ANKRD29: variants seen among roughly 807,000 people sequenced by gnomAD.
ANKRD29 encodes ankyrin repeat domain 29.
In ANKRD29, 32 loss-of-function variants were observed where a neutral mutation model predicts 38.0. The observed-to-expected ratio is 0.84, with a 90% confidence interval of 0.64 to 1.13. The LOEUF is 1.13. Among genes scored for constraint, ANKRD29 ranks in the 50% most tolerant of loss-of-function variants. The probability of loss-of-function intolerance (pLI) is 0.00; values close to 1 mark genes in which losing one functional copy is unlikely to be tolerated. For synonymous variants in ANKRD29, 135 were observed against 152.4 expected (o/e 0.89, Z 0.84); for missense variants, 357 against 377.9 (o/e 0.94, Z 0.46).
intron 9 of ANKRD29, among the ~76,000 whole-genome samples, chr18:23,607,290 C>G (rs887696013): frequency 6.6e-6 from 1 of 152,194 alleles, no homozygotes; most frequent in Non-Finnish European, 1.5e-5. Flanking sequence ...TTAGTTCCTG[C>G]AGGAACAGAT....
Position 23,634,036 on chromosome 18 carries a change from C to T in ANKRD29, c.429+15G>A. On this transcript the variant is annotated intron_variant, in intron 5 of 9. Coordinates refer to ENST00000592179, the MANE Select transcript of ANKRD29 (RefSeq NM_173505.4). ...TGATGAGAAATGTCCTAATGTCCCCCTGAAATGCACTCACATAAAGTTGGT... is the reference window on the plus strand; with the variant it reads ...TGATGAGAAATGTCCTAATGTCCCCTTGAAATGCACTCACATAAAGTTGGT... The T allele has an allele frequency of 1.2e-6, 2 of 1,613,490 alleles. No homozygotes were observed. The highest frequency in any genetic ancestry group is 1.7e-6 in the Non-Finnish European group (2 of 1,179,404).
intron 8 of ANKRD29, among the ~76,000 whole-genome samples, chr18:23,614,812 A>C (rs1001452102): frequency 1.3e-5 from 2 of 152,190 alleles, no homozygotes; most frequent in African/African-American, 2.4e-5. Context: ...GAGCAGACAC[A>C]AAATATCCAA....
At position 23,638,907 on chromosome 18, in the gene ANKRD29, T is replaced by C. The variant is rs929859106; in HGVS notation, c.272A>G (p.His91Arg). The C allele has an allele frequency of 4.3e-6, 7 of 1,613,170 alleles. No individual in the cohort carries two copies. The African/African-American group carries it at 6.7e-5, about 15-fold the overall frequency. ...TALFFAAQQG[H>R]NDVVRFLFGF... ...AAAGAGAAATCTCACGACATCATTA[T>C]GGCCTTGCTGGGCGGCAAAGAATAG... Residue 91 changes from histidine (H) to arginine (R), a missense_variant, in exon 4 of 10, where the codon CAT becomes CGT. Transcript: ENST00000592179.
chr18:23,617,911 C>A (rs2059745594), intron 7 of ANKRD29, 84 bp from the exon 8 acceptor site: 1 of 1,076,178 alleles, frequency 9.3e-7, no homozygotes, highest in Non-Finnish European at 1.4e-6. Context: ...CTGGAAAGTA[C>A]CGTTGTCAGA....
intron 9 of ANKRD29, among the ~76,000 whole-genome samples, chr18:23,611,704 T>C (rs1276204770): frequency 1.3e-5 from 2 of 151,516 alleles, no homozygotes; most frequent in Non-Finnish European, 2.9e-5. Flanking sequence ...AAGAAAACCA[T>C]TGATAGCGCC....
At chr18:23,649,039 G>C (rs773113438) in intron 2 of ANKRD29, 44 bp downstream of exon 2, 2 of 1,528,090 alleles carry the variant, frequency 1.3e-6, no homozygotes, top group Non-Finnish European at 1.8e-6. Context: ...TGCCCACAGA[G>C]GGCAATGGTG....
chr18:23,626,657 C>G (rs2059865870), intron 6 of ANKRD29, among the ~76,000 whole-genome samples: 1 of 152,236 alleles, frequency 6.6e-6, no homozygotes, highest in Non-Finnish European at 1.5e-5. Context: ...TTCCTACTGT[C>G]TGGCTATGAC....
intron 3 of ANKRD29, 115 bp downstream of exon 3, chr18:23,646,074 C>T (rs993869617): frequency 3.0e-5 from 28 of 939,502 alleles, no homozygotes; most frequent in Non-Finnish European, 4.0e-5. Flanking sequence ...CTGCAATGGG[C>T]TTTAATGTGG....
rs35642438 is a variant in ANKRD29 at position 23,615,937 on chromosome 18, G to GTA, written c.723+1793_723+1794dup. On this transcript the variant is annotated intron_variant, in intron 8 of 9. Coordinates refer to ENST00000592179, the MANE Select transcript of ANKRD29 (RefSeq NM_173505.4). ...CTATATAGTATGTATATATTATATA[G>GTA]TATATAATATATACATACTATATGT... 1.2e-3 allele frequency among the ~76,000 whole-genome samples: 158 copies of GTA among 133,956 alleles called. 1 individual carries two copies. The highest frequency in any genetic ancestry group is 4.2e-3 in the Middle Eastern group (1 of 238). 87.9% of individuals were successfully genotyped at this position (133,956 alleles called of 152,430 possible). A position where few individuals can be genotyped will look rare whatever the true frequency, so the allele number is the denominator to read the frequency against.
At chr18:23,625,845 C>T (rs903575647) in intron 6 of ANKRD29, among the ~76,000 whole-genome samples, 1 of 152,146 alleles carries the variant, frequency 6.6e-6, no homozygotes, top group Non-Finnish European at 1.5e-5. Context: ...TGGGTCTGCT[C>T]CCTAGCTGCC....
In ANKRD29 at chr18:23,661,104, T is replaced by A. The variant is rs78908700; in HGVS notation, c.21+1606A>T. 5.3e-3 allele frequency among the ~76,000 whole-genome samples: 805 copies of A among 152,334 alleles called. 9 individuals are homozygous for A. The highest frequency in any genetic ancestry group is 0.018 in the African/African-American group (766 of 41,574). On this transcript the variant is annotated intron_variant, in intron 1 of 9. Transcript: ENST00000592179. ...TAAGTGACAGCACATGCTTCTGAGT[T>A]TTCTCATTCGTCTCTGGCTGCTCTT... is the stretch of plus-strand genomic sequence containing the variant.
At chr18:23,606,649 G>A (rs1180674634) in intron 9 of ANKRD29, among the ~76,000 whole-genome samples, 1 of 152,110 alleles carries the variant, frequency 6.6e-6, no homozygotes, top group East Asian at 1.9e-4. Flanking sequence ...GGGTCATGAA[G>A]ATCTTCAGGG....
chr18:23,615,349 G>A (rs545732519), intron 8 of ANKRD29, among the ~76,000 whole-genome samples: 3 of 152,090 alleles, frequency 2.0e-5, no homozygotes, highest in Middle Eastern at 3.4e-3. Flanking sequence ...ATTAAAAGAC[G>A]AAAAATATTT....
intron 6 of ANKRD29, among the ~76,000 whole-genome samples, chr18:23,621,412 G>A (rs1235762334): frequency 6.6e-6 from 1 of 152,120 alleles, no homozygotes; most frequent in Non-Finnish European, 1.5e-5. Flanking sequence ...GAGGATCTGG[G>A]GGTGCTGAAG....
chr18:23,605,676 G>A (rs953303737), intron 9 of ANKRD29, among the ~76,000 whole-genome samples: 25 of 151,662 alleles, frequency 1.6e-4, no homozygotes, highest in Non-Finnish European at 2.4e-4. Context: ...ACAGGCATGC[G>A]CGACCATGCC....
Position 23,618,165 on chromosome 18 carries a change from T to A in ANKRD29, c.628-338A>T, listed in dbSNP as rs932881524. On this transcript the variant is annotated intron_variant, in intron 7 of 9. Coordinates refer to ENST00000592179, the MANE Select transcript of ANKRD29 (RefSeq NM_173505.4). The stretch of plus-strand genomic sequence containing the variant: ...GTTGGACCAAAGAGGCATTCTCGGC[T>A]GTTCATAACTTAGCAGAAATGGTTA... Among the ~76,000 whole-genome samples the A allele has an allele frequency of 9.2e-5, 14 of 152,262 alleles. No homozygotes were observed. The South Asian group carries it at 2.9e-3, about 31-fold the overall frequency.
intron 2 of ANKRD29, chr18:23,648,727 C>G (rs1010747333): frequency 2.0e-5 from 8 of 401,056 alleles, no homozygotes; most frequent in Non-Finnish European, 2.6e-5. Flanking sequence ...ACATCCATGG[C>G]AGCCCACTTG....
intron 8 of ANKRD29, among the ~76,000 whole-genome samples, chr18:23,616,578 GTA>G (rs60639633): frequency 0.018 from 2,413 of 132,946 alleles, 48 homozygotes; most frequent in East Asian, 0.056. Context: ...TATATATACA[GTA>G]TATATATATA....
At chr18:23,623,125 G>A (rs142710962) in intron 6 of ANKRD29, among the ~76,000 whole-genome samples, 71 of 152,346 alleles carry the variant, frequency 4.7e-4, no homozygotes, top group African/African-American at 1.6e-3. Context: ...TTGCATCTGA[G>A]TAGTATTTAT....
Sources: allele counts gnomAD v4.1 joint callset (sites outside exome capture counted in the v4.1 genomes callset), GRCh38; gene constraint gnomAD v4.1.1; transcripts MANE v1.5; gene names NCBI Gene and HGNC (gene_info 2026-07-23, HGNC 2026-07-21).